The following UTP14A variants were observed in gnomAD, a reference collection of about 807,000 sequenced individuals.
UTP14A encodes the protein UTP14A small subunit processome component.
UTP14A carries 5 observed loss-of-function variants against 57.2 expected under a neutral mutation model. The ratio of observed to expected loss-of-function variants is 0.09; its 90% CI spans 0.05 to 0.18. The LOEUF (loss-of-function observed/expected upper bound fraction) is 0.18. UTP14A is among the 10% of genes least tolerant of loss of function. The pLI is 1.00. For synonymous variants in UTP14A, 169 were observed against 210.9 expected (o/e 0.80, Z 1.72); for missense variants, 430 against 562.1 (o/e 0.76, Z 2.38).
Position 129,925,920 on chromosome X carries a change from A to G in UTP14A, c.1751A>G (p.Glu584Gly), listed in dbSNP as rs928310982. 5 of 1,208,900 alleles carry G rather than the reference A, an allele frequency of 4.1e-6. No individual in the cohort carries two copies. In the African/African-American group the frequency reaches 8.7e-5, roughly 21 times the overall value. The change falls in exon 13 of 15, where the codon GAA becomes GGA. Residue 584 changes from glutamate to glycine, a missense_variant and splice_region_variant. Glu to Gly is a moderately conservative substitution (Grantham distance 98, BLOSUM62 -2). Transcript: ENST00000394422. ...SLAVPTIEEL[E>G]DEEERNHRQM... ...TAGCTCTCGCTTGTTTCTTCCCAGG[A>G]AGATGAAGAGGAGAGAAACCATAGG...
chrX:129,917,391 G>A (rs1320678268), intron 6 of UTP14A, among the ~76,000 whole-genome samples: 1 of 112,109 alleles, frequency 8.9e-6, no homozygotes, highest in African/African-American at 3.2e-5. Context: ...TGACCACGAT[G>A]TATATGGCTA....
At chrX:129,918,212 C>T (rs1298414024) in intron 6 of UTP14A, among the ~76,000 whole-genome samples, 3 of 109,199 alleles carry the variant, frequency 2.7e-5, no homozygotes, top group African/African-American at 1.0e-4. Flanking sequence ...ATGGCAGGAC[C>T]CTGTCTCTAC....
In UTP14A at chrX:129,921,022, T is replaced by C. The variant is rs956759784; in HGVS notation, c.955-172T>C. 63 of 732,790 alleles carry C rather than the reference T, an allele frequency of 8.6e-5. 1 individual carries two copies. The highest frequency in any genetic ancestry group is 1.0e-4 in the Non-Finnish European group (62 of 620,965). The allele number at this position is 732,790 out of a possible 1,213,427, so 60.4% of individuals were successfully genotyped here. On this transcript the variant is annotated intron_variant, in intron 10 of 14. Transcript: ENST00000394422. ...TTGAGGACAAAGAATTTGTCTTCCA[T>C]TTTATACCATAGCTATTAACCCAGC...
chrX:129,910,616 G>T (rs1172139735), intron 4 of UTP14A, among the ~76,000 whole-genome samples: 3 of 112,029 alleles, frequency 2.7e-5, no homozygotes, highest in African/African-American at 9.7e-5. Flanking sequence ...GGCAGAGATG[G>T]CACCACTGCT....
intron 4 of UTP14A, among the ~76,000 whole-genome samples, chrX:129,910,069 C>T (rs1176301343): frequency 2.7e-5 from 3 of 111,392 alleles, no homozygotes; most frequent in African/African-American, 9.8e-5. Flanking sequence ...CATGAAAGGC[C>T]CCTGAAGAGG....
At chrX:129,908,032 T>A (rs1339657390) in intron 2 of UTP14A, 28 bp from the exon 3 acceptor site, 9 of 1,169,164 alleles carry the variant, frequency 7.7e-6, no homozygotes, top group Admixed American at 2.3e-5. Flanking sequence ...CCCCTCATCC[T>A]GATTGTTTTT....
chrX:129,922,425 A>T, intron 11 of UTP14A: 1 of 111,889 alleles, frequency 8.9e-6, no homozygotes, highest in Admixed American at 9.5e-5. Context: ...ATTTTTTTCT[A>T]CTTTTTTTTG....
chrX:129,925,774 T>C (rs1419247985), intron 12 of UTP14A, 145 bp from the exon 13 acceptor site: 1 of 679,944 alleles, frequency 1.5e-6, no homozygotes, highest in Non-Finnish European at 2.2e-6. Flanking sequence ...CATGATTGGC[T>C]GTGCACTGGT....
At chrX:129,927,867 G>A (rs1930161872) in intron 14 of UTP14A, among the ~76,000 whole-genome samples, 1 of 111,609 alleles carries the variant, frequency 9.0e-6, no homozygotes. Flanking sequence ...TTTGGCCACT[G>A]GGGAAGTGTT....
chrX:129,910,896 C>G (rs2124191471), intron 4 of UTP14A, 112 bp from the exon 5 acceptor site: 1 of 952,837 alleles, frequency 1.0e-6, no homozygotes, highest in Non-Finnish European at 1.4e-6. Context: ...ATTATTCTTG[C>G]TTCTCTGCAC....
chrX:129,917,578 G>A (rs1230041730), intron 6 of UTP14A, among the ~76,000 whole-genome samples: 1 of 111,982 alleles, frequency 8.9e-6, no homozygotes, highest in East Asian at 2.8e-4. Flanking sequence ...TACATACTCT[G>A]CCTAGCATGT....
At chrX:129,915,825 T>A (rs1929668528) in intron 6 of UTP14A, among the ~76,000 whole-genome samples, 1 of 110,721 alleles carries the variant, frequency 9.0e-6, no homozygotes, top group Admixed American at 9.7e-5. Context: ...GTCTTTAGCA[T>A]ATTTGACACC....
chrX:129,911,692 A>G (rs1929475884), intron 5 of UTP14A, 74 bp from the exon 6 acceptor site: 1 of 1,134,879 alleles, frequency 8.8e-7, no homozygotes, highest in Admixed American at 2.4e-5. Context: ...TTGCTTCCTA[A>G]TTTCTTGTTA....
intron 6 of UTP14A, among the ~76,000 whole-genome samples, chrX:129,918,379 G>C (rs1350724611): frequency 1.2e-5 from 1 of 84,880 alleles, no homozygotes; most frequent in East Asian, 4.0e-4. Flanking sequence ...GACAGAGCAA[G>C]ACTCTGTCTC....
chrX:129,924,084 G>A (rs150217889), intron 11 of UTP14A, among the ~76,000 whole-genome samples: 6,417 of 107,828 alleles, frequency 0.06, 518 homozygotes, highest in African/African-American at 0.21. Flanking sequence ...AGCCTCCCAA[G>A]TAGGTGGGAC....
chrX:129,914,081 T>C (rs1929585954), intron 6 of UTP14A, among the ~76,000 whole-genome samples: 1 of 112,094 alleles, frequency 8.9e-6, no homozygotes, highest in African/African-American at 3.2e-5. Context: ...GAGGCTCAGA[T>C]GTCATACATT....
intron 10 of UTP14A, 23 bp from the exon 11 acceptor site, chrX:129,921,171 C>T (rs1354295422): frequency 8.4e-7 from 1 of 1,184,762 alleles, no homozygotes; most frequent in Non-Finnish European, 1.1e-6. Flanking sequence ...ACAGGGCTCT[C>T]ATGCTGTGAC....
intron 10 of UTP14A, 125 bp from the exon 11 acceptor site, chrX:129,921,069 G>A (rs1929890180): frequency 9.0e-7 from 1 of 1,107,375 alleles, no homozygotes; most frequent in South Asian, 2.2e-5. Context: ...AGTTTAAACA[G>A]TAGGTACCAG....
chrX:129,908,553 C>T lies in UTP14A; in HGVS notation c.174-117C>T. 1.1e-5 allele frequency: 8 copies of T among 714,917 alleles called. No homozygotes were observed. In the South Asian group the frequency reaches 1.9e-4, roughly 17 times the overall value. 58.9% of individuals were successfully genotyped at this position (714,917 alleles called of 1,213,427 possible). A position where few individuals can be genotyped will look rare whatever the true frequency, so the allele number is the denominator to read the frequency against. On this transcript the variant is annotated intron_variant, in intron 3 of 14. Coordinates refer to ENST00000394422, the MANE Select transcript of UTP14A (RefSeq NM_006649.4). ...TTGCTGCATCATGACAAAACATGAC[C>T]CTAGAAGAAATACAAGAAACCAAAG...
Sources: gnomAD v4.1 joint callset for allele counts (sites outside exome capture counted in the v4.1 genomes callset) on GRCh38, gnomAD v4.1.1 for gene constraint, MANE v1.5 for transcripts, NCBI Gene and HGNC (gene_info 2026-07-23, HGNC 2026-07-21) for gene names.